IFI27: variants seen among roughly 807,000 people sequenced by gnomAD.
IFI27 encodes the protein interferon alpha-inducible protein 27, mitochondrial.
Under a neutral mutation model 8.9 loss-of-function variants are expected in IFI27, and 3 were observed. That is an observed-to-expected ratio of 0.34 (90% CI 0.15 to 0.87). The LOEUF is 0.87. Among genes scored for constraint, IFI27 ranks in the 40% least tolerant of loss-of-function variants. IFI27 has a pLI of 0.51. For synonymous variants in IFI27, 66 were observed against 67.3 expected, an observed-to-expected ratio of 0.98 and a Z score of 0.09; for missense variants, 152 against 157.7, an observed-to-expected ratio of 0.96 and a Z score of 0.19.
rs1209604711 is a variant in IFI27 at position 94,116,237 on chromosome 14, G to C, written c.284-205G>C. On this transcript the variant is annotated intron_variant, in intron 4 of 4. Coordinates refer to ENST00000621160, the Ensembl canonical transcript of IFI27. The surrounding 1 kb of genome is among the most constrained non-coding windows in gnomAD (Gnocchi z 4.3). ...AAGAGCGAGGCTGCTTCTAGCTCTG[G>C]AGTTCACCATGGGGGTTCATGCCTG... 1 of 654,062 alleles carries C rather than the reference G, an allele frequency of 1.5e-6. No homozygotes were observed. Among genetic ancestry groups the C allele is most frequent in the Non-Finnish European group, 2.8e-6 (1 of 362,392 alleles). The allele number at this position is 654,062 out of a possible 1,614,324, so 40.5% of individuals were successfully genotyped here.
At chr14:94,108,598 G>A (rs368634936), upstream of IFI27, among the ~76,000 whole-genome samples, 16 of 152,194 alleles carry the variant, frequency 1.1e-4, no homozygotes, top group Non-Finnish European at 1.6e-4. Flanking sequence ...GCACAGGGGC[G>A]TGTGGATTTC....
chr14:94,115,587 A>G, intron 3 of IFI27, 194 bp from the exon 4 acceptor site: 1 of 627,586 alleles, frequency 1.6e-6, no homozygotes, highest in Non-Finnish European at 2.8e-6. Flanking sequence ...CAGTGACCCC[A>G]CTAGCTTTTC....
upstream of IFI27, among the ~76,000 whole-genome samples, chr14:94,108,561 A>C (rs1012798169): frequency 6.6e-6 from 1 of 152,210 alleles, no homozygotes; most frequent in Non-Finnish European, 1.5e-5. Context: ...GCTAATTTGC[A>C]AAGTCTCTGG....
chr14:94,115,881 G>T, exon 4 of IFI27: 1 of 1,599,694 alleles, frequency 6.3e-7, no homozygotes, highest in Non-Finnish European at 8.5e-7. Context: ...TGTCCGCGGC[G>T]GCCATTGCCA....
At chr14:94,115,442 A>G in intron 3 of IFI27, 4 of 581,268 alleles carry the variant, frequency 6.9e-6, no homozygotes, top group South Asian at 6.3e-5. Flanking sequence ...TTTGCTCCCC[A>G]GCAAAGATAA....
rs1887164986 is a variant in IFI27 at position 94,111,120 on chromosome 14, G to T, written c.-59+323G>T. 1 of 154,450 alleles carries T rather than the reference G, an allele frequency of 6.5e-6. No individual in the cohort carries two copies. The highest frequency in any genetic ancestry group is 6.5e-5 in the Admixed American group (1 of 15,330). The allele number at this position is 154,450 out of a possible 1,614,324, so 9.6% of individuals were successfully genotyped here. On this transcript the variant is annotated intron_variant, in intron 1 of 4. Coordinates refer to ENST00000621160, the Ensembl canonical transcript of IFI27. The surrounding 1 kb of genome is among the most constrained non-coding windows in gnomAD (Gnocchi z 4.3). ...CAAGTCCATGCCTGGGCGGGGTGTT[G>T]CTTCCCTATGGAAAGCTTCTGACCT...
Position 94,116,053 on chromosome 14 carries a change from T to A in IFI27, c.283+111T>A. The A allele has an allele frequency of 9.0e-7, 1 of 1,110,692 alleles. No individual in the cohort carries two copies. Among genetic ancestry groups the A allele is most frequent in the Non-Finnish European group, 1.3e-6 (1 of 755,934 alleles). The allele number at this position is 1,110,692 out of a possible 1,614,324, so 68.8% of individuals were successfully genotyped here. A position where few individuals can be genotyped will look rare whatever the true frequency, so the allele number is the denominator to read the frequency against. ...ACCTCAATCTCCCTGTTCCTCTGTC[T>A]CTCTCTACACATTCTCTCAGGGTTT... On this transcript the variant is annotated intron_variant, in intron 4 of 4. Transcript: ENST00000621160. The surrounding 1 kb of genome is among the most constrained non-coding windows in gnomAD (Gnocchi z 4.3).
At position 94,111,168 on chromosome 14, in the gene IFI27, C is replaced by T. The variant is rs981364279; in HGVS notation, c.-59+371C>T. ...CCTGGAGCAAATCACTGAGCCAGATCGCGCTCCCTCATCTGTAACATGCGG... is the reference window on the plus strand; with the variant it reads ...CCTGGAGCAAATCACTGAGCCAGATTGCGCTCCCTCATCTGTAACATGCGG... On this transcript the variant is annotated intron_variant, in intron 1 of 4. Transcript: ENST00000621160. The surrounding 1 kb of genome is among the most constrained non-coding windows in gnomAD (Gnocchi z 4.3). Among the ~76,000 whole-genome samples the T allele has an allele frequency of 3.3e-5, 5 of 152,176 alleles. No individual in the cohort carries two copies. Among genetic ancestry groups the T allele is most frequent in the African/African-American group, 9.7e-5 (4 of 41,438 alleles).
chr14:94,108,013 A>G (rs1887036216), upstream of IFI27, among the ~76,000 whole-genome samples: 1 of 152,038 alleles, frequency 6.6e-6, no homozygotes, highest in South Asian at 2.1e-4. Context: ...CAACAGGCCA[A>G]GTGTGTGATG....
At position 94,115,573 on chromosome 14, in the gene IFI27, T is replaced by C. The variant is rs1887357427; in HGVS notation, c.122-208T>C. On this transcript the variant is annotated intron_variant, in intron 3 of 4. Coordinates refer to ENST00000621160, the Ensembl canonical transcript of IFI27. ...CAGAAGAGCTTGGCCCAGAGCCCTGTGCCCAGTGACCCCACTAGCTTTTCC... is the reference window on the plus strand; with the variant it reads ...CAGAAGAGCTTGGCCCAGAGCCCTGCGCCCAGTGACCCCACTAGCTTTTCC... 17 of 615,622 alleles carry C rather than the reference T, an allele frequency of 2.8e-5. No individual in the cohort carries two copies. In the South Asian group the frequency reaches 3.1e-4, roughly 11 times the overall value. The allele number at this position is 615,622 out of a possible 1,614,324, so 38.1% of individuals were successfully genotyped here.
At chr14:94,109,404 G>GGGAAA (rs61520979), upstream of IFI27, among the ~76,000 whole-genome samples, 39,624 of 146,024 alleles carry the variant, frequency 0.27, 6,302 homozygotes, top group East Asian at 0.44. Flanking sequence ...GCAAGGGCAA[G>GGGAAA]GGAAAGGAAA....
chr14:94,106,744 C>T (rs543953344), upstream of IFI27, among the ~76,000 whole-genome samples: 1 of 152,238 alleles, frequency 6.6e-6, no homozygotes, highest in Admixed American at 6.5e-5. Flanking sequence ...TCTGGTGAGG[C>T]CTCAAGAAAC....
At chr14:94,113,006 T>C (rs1487560735) in intron 2 of IFI27, 2 of 152,262 alleles carry the variant, frequency 1.3e-5, no homozygotes, top group Non-Finnish European at 2.9e-5. Flanking sequence ...AGCGCTTTTA[T>C]GTTCTAGTCA....
upstream of IFI27, among the ~76,000 whole-genome samples, chr14:94,110,144 G>GC (rs989645848): frequency 4.6e-5 from 7 of 152,106 alleles, no homozygotes; most frequent in Admixed American, 6.5e-5. Context: ...TGGAATGACT[G>GC]CCCCCCCATA....
intron 3 of IFI27, among the ~76,000 whole-genome samples, 182 bp downstream of exon 3, chr14:94,115,062 G>T (rs906934549): frequency 6.6e-6 from 1 of 152,246 alleles, no homozygotes; most frequent in Non-Finnish European, 1.5e-5. Flanking sequence ...GGAAGCAGGG[G>T]GCTTGGAGAC....
Position 94,111,893 on chromosome 14 carries a change from C to G in IFI27, c.91+120C>G. 2 of 811,230 alleles carry G rather than the reference C, an allele frequency of 2.5e-6. No homozygotes were observed. The highest frequency in any genetic ancestry group is 4.2e-6 in the Non-Finnish European group (2 of 473,398). The allele number at this position is 811,230 out of a possible 1,614,324, so 50.3% of individuals were successfully genotyped here. On this transcript the variant is annotated intron_variant, in intron 2 of 4. Coordinates refer to ENST00000621160, the Ensembl canonical transcript of IFI27. This position sits in a 1 kb window ranked among gnomAD's most constrained non-coding sequence, Gnocchi z 4.3. ...GACACCCGCAGCCTTGCTGCCCTGT[C>G]CTGTCTTCTCACAGCAGGCGTCCAC... is the stretch of plus-strand genomic sequence containing the variant.
upstream of IFI27, among the ~76,000 whole-genome samples, chr14:94,106,457 T>C (rs1887016310): frequency 1.3e-5 from 2 of 152,220 alleles, no homozygotes; most frequent in African/African-American, 4.8e-5. Context: ...GTTCCAATTA[T>C]ATAAGGGCCA....
upstream of IFI27, among the ~76,000 whole-genome samples, chr14:94,106,704 A>G (rs992827216): frequency 3.3e-5 from 5 of 152,234 alleles, no homozygotes; most frequent in Non-Finnish European, 5.9e-5. Context: ...ATGGTTCTGC[A>G]GGGAGCATGG....
In IFI27 at chr14:94,116,163, G is replaced by A. The variant is rs899181375; in HGVS notation, c.283+221G>A. 1 of 723,708 alleles carries A rather than the reference G, an allele frequency of 1.4e-6. No homozygotes were observed. The highest frequency in any genetic ancestry group is 1.7e-5 in the African/African-American group (1 of 57,634). The allele number at this position is 723,708 out of a possible 1,614,324, so 44.8% of individuals were successfully genotyped here. The stretch of plus-strand genomic sequence containing the variant: ...AGACTCAGCCCGAAGCAGATTTGCT[G>A]GGTTACCTGGGGCGTCTCCTCCCCT... On this transcript the variant is annotated intron_variant, in intron 4 of 4. Transcript: ENST00000621160. The surrounding 1 kb of genome is among the most constrained non-coding windows in gnomAD (Gnocchi z 4.3).
Sources: gnomAD v4.1 joint callset for allele counts (sites outside exome capture counted in the v4.1 genomes callset) on GRCh38, gnomAD v4.1.1 for gene constraint, Gnocchi (gnomAD v3.1) non-coding constraint, MANE v1.5 for transcripts, NCBI Gene and HGNC (gene_info 2026-07-23, HGNC 2026-07-21) for gene names.